Variants in EIF2AK3 observed in about 807,000 individuals in gnomAD.
The protein encoded by EIF2AK3 is eukaryotic translation initiation factor 2-alpha kinase 3.
In EIF2AK3, 50 loss-of-function variants were observed where a neutral mutation model predicts 113.5. The observed-to-expected ratio is 0.44, with a 90% CI of 0.35 to 0.56. The LOEUF is 0.56. Ranked by LOEUF, EIF2AK3 falls within the 20% of genes least tolerant of loss-of-function variation. The pLI, the probability that EIF2AK3 is intolerant of heterozygous loss-of-function variation, is 0.00. For missense variants in EIF2AK3, 1,185 were observed against 1,378.0 expected (o/e 0.86, Z 2.22); for synonymous variants, 448 against 495.4 (o/e 0.90, Z 1.27).
Position 88,613,746 on chromosome 2 carries a change from G to A in EIF2AK3, c.416C>T (p.Ser139Leu). 6.2e-7 allele frequency: 1 copy of A among 1,614,102 alleles called. No homozygotes were observed. Among genetic ancestry groups the A allele is most frequent in the Non-Finnish European group, 8.5e-7 (1 of 1,179,982 alleles). Residue 139 changes from serine (S) to leucine (L), a missense_variant, in exon 2 of 17, where the codon TCA becomes TTA. By Grantham distance (145) the Ser-to-Leu change is moderately radical. Transcript: ENST00000303236. ...TACCTCTGGTTTGCTAAGGCTGGAT[G>A]ACACCAAGGAACCGGATCCCACATC... ...DLDVGSGSLV[S>L]SSLSKPEVFG...
chr2:88,592,543 C>A (rs1025636781), intron 4 of EIF2AK3, among the ~76,000 whole-genome samples: 3 of 152,088 alleles, frequency 2.0e-5, no homozygotes, highest in Non-Finnish European at 4.4e-5. Context: ...GTGGGTGGAT[C>A]ACCTGAGGTT....
At position 88,591,302 on chromosome 2, in the gene EIF2AK3, A is replaced by T. The variant is rs7568833; in HGVS notation, c.768-250T>A. ...CTTGATGTGTCCCTTACAACAGCTAAGGGACAGATTTTCTCTCAAAAACTT... is the reference window on the plus strand; with the variant it reads ...CTTGATGTGTCCCTTACAACAGCTATGGGACAGATTTTCTCTCAAAAACTT... On this transcript the variant is annotated intron_variant, in intron 4 of 16. Transcript: ENST00000303236. Among the ~76,000 whole-genome samples, 22,347 of 152,182 alleles carry T rather than the reference A, an allele frequency of 0.15. 2,808 individuals are homozygous for T. Among genetic ancestry groups the T allele is most frequent in the African/African-American group, 0.35 (14,353 of 41,482 alleles).
chr2:88,568,203 A>G (rs1674193860), intron 14 of EIF2AK3, among the ~76,000 whole-genome samples: 1 of 152,232 alleles, frequency 6.6e-6, no homozygotes, highest in Non-Finnish European at 1.5e-5. Flanking sequence ...TCTCTGATAT[A>G]ATCTTTCAAA....
intron 3 of EIF2AK3, among the ~76,000 whole-genome samples, chr2:88,595,134 G>T (rs1030667383): frequency 6.8e-6 from 1 of 147,424 alleles, no homozygotes; most frequent in African/African-American, 2.5e-5. Context: ...ACCTGAGGGG[G>T]TGTGGAATGG....
At chr2:88,561,683 C>G (rs1573382019) in intron 15 of EIF2AK3, among the ~76,000 whole-genome samples, 1 of 151,978 alleles carries the variant, frequency 6.6e-6, no homozygotes, top group East Asian at 1.9e-4. Context: ...AGGCAGAGCC[C>G]ATTTCTACAA....
intron 1 of EIF2AK3, among the ~76,000 whole-genome samples, chr2:88,624,318 G>C (rs928707572): frequency 6.6e-6 from 1 of 152,092 alleles, no homozygotes; most frequent in Non-Finnish European, 1.5e-5. Context: ...TATCTACACA[G>C]GCTCCCTCTT....
At position 88,570,814 on chromosome 2, in the gene EIF2AK3, GAA is replaced by G. The variant is rs566623618; in HGVS notation, c.2985+58_2985+59del. On this transcript the variant is annotated intron_variant, in intron 14 of 16. Coordinates refer to ENST00000303236, the MANE Select transcript of EIF2AK3 (RefSeq NM_004836.7). Reference sequence around the variant, plus strand: ...ACTGGGTATTTTAATGAAAACATGAGAAGAGATTCATCAGGTACATCTGCTGC... The same window carrying G: ...ACTGGGTATTTTAATGAAAACATGAGGAGATTCATCAGGTACATCTGCTGC... 79 of 1,595,412 alleles carry G rather than the reference GAA, an allele frequency of 5.0e-5. No individual in the cohort carries two copies. In the South Asian group the frequency reaches 7.8e-4, roughly 16 times the overall value.
Position 88,557,654 on chromosome 2 carries a change from A to G in EIF2AK3, c.*82T>C, listed in dbSNP as rs1673816401. 6.8e-7 allele frequency: 1 copy of G among 1,474,984 alleles called. No individual in the cohort carries two copies. The allele number at this position is 1,474,984 out of a possible 1,614,324, so 91.4% of individuals were successfully genotyped here. A position where few individuals can be genotyped will look rare whatever the true frequency, so the allele number is the denominator to read the frequency against. On this transcript the variant is annotated 3_prime_UTR_variant, in exon 17 of 17. Transcript: ENST00000303236. ...AATTGAGCGAAGAACAAACTTTTCA[A>G]GTCTGCAATTTTGGACAGGCATATT...
intron 14 of EIF2AK3, among the ~76,000 whole-genome samples, chr2:88,563,605 G>A (rs941083095): frequency 6.6e-6 from 1 of 152,110 alleles, no homozygotes; most frequent in Non-Finnish European, 1.5e-5. Context: ...ACCCACCCTA[G>A]GGCAGATGGA....
In EIF2AK3 at chr2:88,557,553, C is replaced by T; in HGVS notation, c.*183G>A. On this transcript the variant is annotated 3_prime_UTR_variant, in exon 17 of 17. Transcript: ENST00000303236. ...AGCCCTTTCCTTAAGTATAGCAAAACTCAGGAGTTGGCTCAAATTAGGTTA... is the reference window on the plus strand; with the variant it reads ...AGCCCTTTCCTTAAGTATAGCAAAATTCAGGAGTTGGCTCAAATTAGGTTA... 1.5e-6 allele frequency: 1 copy of T among 662,450 alleles called. No homozygotes were observed. The highest frequency in any genetic ancestry group is 2.7e-6 in the Non-Finnish European group (1 of 375,670). 41.0% of individuals were successfully genotyped at this position (662,450 alleles called of 1,614,324 possible). A position where few individuals can be genotyped will look rare whatever the true frequency, so the allele number is the denominator to read the frequency against.
Position 88,627,230 on chromosome 2 carries a change from CAG to C in EIF2AK3, c.43_44del (p.Leu15AlafsTer61). The C allele has an allele frequency of 1.4e-6, 2 of 1,479,330 alleles. No homozygotes were observed. Among genetic ancestry groups the C allele is most frequent in the Non-Finnish European group, 1.8e-6 (2 of 1,121,474 alleles). 91.6% of individuals were successfully genotyped at this position (1,479,330 alleles called of 1,614,324 possible). A position where few individuals can be genotyped will look rare whatever the true frequency, so the allele number is the denominator to read the frequency against. On this transcript the variant is annotated frameshift_variant, in exon 1 of 17. Coordinates refer to ENST00000303236, the MANE Select transcript of EIF2AK3 (RefSeq NM_004836.7). LOFTEE classifies it high-confidence loss of function. ...CGAGCCCCAGCAGCAGCAGCAGCAG[CAG>C]CAGCGCCCGTACCAGCAGCCCCGGG... ...ISPGLLVRAL[L>X]LLLLLLGLAA...
intron 15 of EIF2AK3, among the ~76,000 whole-genome samples, chr2:88,561,273 T>G (rs1340938889): frequency 6.8e-6 from 1 of 147,878 alleles, no homozygotes; most frequent in Non-Finnish European, 1.5e-5. Flanking sequence ...CTTTTTTTTT[T>G]TTTTTCGAGA....
intron 8 of EIF2AK3, among the ~76,000 whole-genome samples, chr2:88,586,368 A>G (rs1415687181): frequency 6.6e-6 from 1 of 152,108 alleles, no homozygotes; most frequent in African/African-American, 2.4e-5. Flanking sequence ...TATAAGAATT[A>G]ATACTCAATC....
chr2:88,564,904 C>T (rs1160976446), intron 14 of EIF2AK3, among the ~76,000 whole-genome samples: 1 of 152,022 alleles, frequency 6.6e-6, no homozygotes, highest in Admixed American at 6.6e-5. Context: ...GAGAGGCTTC[C>T]CAAGTCGTGA....
chr2:88,565,381 C>T (rs1674085635), intron 14 of EIF2AK3, among the ~76,000 whole-genome samples: 1 of 149,498 alleles, frequency 6.7e-6, no homozygotes, highest in Non-Finnish European at 1.5e-5. Context: ...CACTCTGTCA[C>T]CCAGGCTGGA....
chr2:88,619,103 C>T (rs897019168), intron 1 of EIF2AK3, among the ~76,000 whole-genome samples: 10 of 151,894 alleles, frequency 6.6e-5, no homozygotes, highest in Non-Finnish European at 1.0e-4. Flanking sequence ...GATTCTCCTG[C>T]CTCAGCCTCC....
At chr2:88,593,164 T>A in intron 4 of EIF2AK3, 108 bp downstream of exon 4, 1 of 1,364,330 alleles carries the variant, frequency 7.3e-7, no homozygotes, top group Non-Finnish European at 1.0e-6. Flanking sequence ...ATATATATGC[T>A]TTTAAGGCAA....
intron 1 of EIF2AK3, among the ~76,000 whole-genome samples, chr2:88,621,594 T>G (rs950761001): frequency 6.6e-6 from 1 of 152,232 alleles, no homozygotes; most frequent in South Asian, 2.1e-4. Context: ...AAAGGAGGCA[T>G]ATGTTCTTGT....
intron 13 of EIF2AK3, among the ~76,000 whole-genome samples, chr2:88,572,076 T>C (rs1013204259): frequency 2.6e-5 from 4 of 152,182 alleles, no homozygotes; most frequent in East Asian, 1.9e-4. Flanking sequence ...GAAAATAACA[T>C]TGCATTCCCA....
Sources: gnomAD v4.1 joint callset for allele counts (sites outside exome capture counted in the v4.1 genomes callset) on GRCh38, gnomAD v4.1.1 for gene constraint, MANE v1.5 for transcripts, NCBI Gene and HGNC (gene_info 2026-07-23, HGNC 2026-07-21) for gene names.